The following STARD9 variants were observed in gnomAD, a reference collection of about 807,000 sequenced individuals.
STARD9 encodes the protein stAR-related lipid transfer protein 9.
A neutral mutation model predicts 399.8 loss-of-function variants in STARD9; 346 were observed. That is an observed-to-expected ratio of 0.87 (90% confidence interval 0.79 to 0.95). The LOEUF (loss-of-function observed/expected upper bound fraction) is 0.95. STARD9 is among the 40% of genes least tolerant of loss of function. The pLI is 0.00. For missense variants in STARD9, 5,832 were observed against 5,667.5 expected, an observed-to-expected ratio of 1.03 and a Z score of -0.93; for synonymous variants, 2,203 against 2,143.5, an observed-to-expected ratio of 1.03 and a Z score of -0.77.
chr15:42,701,214 A>G (rs1023254423), intron 26 of STARD9, among the ~76,000 whole-genome samples: 28 of 151,970 alleles, frequency 1.8e-4, no homozygotes, highest in African/African-American at 6.8e-4. Flanking sequence ...TTTTGCTCAG[A>G]ATTTCTTTGG....
chr15:42,587,635 C>T (rs892149265), intron 3 of STARD9, among the ~76,000 whole-genome samples: 5 of 152,138 alleles, frequency 3.3e-5, no homozygotes, highest in Admixed American at 6.5e-5. Context: ...GGCACCATCT[C>T]GGCTCACCAC....
In STARD9 at chr15:42,674,810, C is replaced by G. The variant is rs1364860088; in HGVS notation, c.1550-17C>G. 1 of 1,509,428 alleles carries G rather than the reference C, an allele frequency of 6.6e-7. No homozygotes were observed. The highest frequency in any genetic ancestry group is 2.2e-5 in the Admixed American group (1 of 46,508). 93.5% of individuals were successfully genotyped at this position (1,509,428 alleles called of 1,614,324 possible). Reference sequence around the variant, plus strand: ...TGCATCGTCCTCCCACCCAAGTGACCACCACCTCTTTTGTAGTCCTGCAGG... The same window carrying G: ...TGCATCGTCCTCCCACCCAAGTGACGACCACCTCTTTTGTAGTCCTGCAGG... On this transcript the variant is annotated splice_polypyrimidine_tract_variant and intron_variant, in intron 17 of 32. Coordinates refer to ENST00000290607, the MANE Select transcript of STARD9 (RefSeq NM_020759.3).
At chr15:42,697,127 A>G (rs926760694) in intron 26 of STARD9, among the ~76,000 whole-genome samples, 1 of 152,146 alleles carries the variant, frequency 6.6e-6, no homozygotes, top group African/African-American at 2.4e-5. Flanking sequence ...TTTGTTGTAT[A>G]TTTCCAGGGA....
chr15:42,606,952 C>G (rs1420426442), intron 3 of STARD9, among the ~76,000 whole-genome samples: 2 of 151,352 alleles, frequency 1.3e-5, no homozygotes, highest in Non-Finnish European at 2.9e-5. Flanking sequence ...AAGTGTACTT[C>G]ATTGATTGAT....
chr15:42,678,186 AC>A (rs2060351437), intron 20 of STARD9, among the ~76,000 whole-genome samples: 1 of 152,158 alleles, frequency 6.6e-6, no homozygotes, highest in Admixed American at 6.5e-5. Context: ...GGGCAAAGGG[AC>A]CAGGGAGAGG....
chr15:42,690,762 G>C lies in STARD9; in HGVS notation c.9184G>C (p.Ala3062Pro). The C allele has an allele frequency of 2.0e-6, 3 of 1,537,280 alleles. No homozygotes were observed. The highest frequency in any genetic ancestry group is 1.4e-5 in the African/African-American group (1 of 73,176). The change falls in exon 23 of 33, where the codon GCT becomes CCT. Residue 3062 changes from alanine (A) to proline (P), a missense_variant. By Grantham distance (27) the Ala-to-Pro change is conservative (BLOSUM62 -1). Coordinates refer to ENST00000290607, the MANE Select transcript of STARD9 (RefSeq NM_020759.3). ...AGCTCAAGGCTGCAGATCCCCTTCT[G>C]CTCCTGACGTGAGGACAGGTTCCTT... ...SRAQGCRSPS[A>P]PDVRTGSFSH...
At chr15:42,627,801 G>A (rs1272094083) in intron 3 of STARD9, among the ~76,000 whole-genome samples, 2 of 152,164 alleles carry the variant, frequency 1.3e-5, no homozygotes, top group Non-Finnish European at 2.9e-5. Flanking sequence ...TTTTGTATAT[G>A]TACCACATTT....
chr15:42,581,509 G>A, intron 1 of STARD9: 1 of 1,445,186 alleles, frequency 6.9e-7, no homozygotes, highest in Non-Finnish European at 9.5e-7. Flanking sequence ...GCGGGCTCTG[G>A]GCTTTGTGTG....
intron 3 of STARD9, among the ~76,000 whole-genome samples, chr15:42,595,602 G>A (rs2058486265): frequency 6.6e-6 from 1 of 152,188 alleles, no homozygotes; most frequent in Non-Finnish European, 1.5e-5. Flanking sequence ...CAGTTTCTTT[G>A]TGCATCCCCT....
intron 3 of STARD9, among the ~76,000 whole-genome samples, chr15:42,588,209 T>C (rs1203488163): frequency 1.8e-5 from 2 of 109,382 alleles, no homozygotes; most frequent in Middle Eastern, 4.3e-3. Flanking sequence ...TAAAATTTTA[T>C]GTGTGTGTGT....
chr15:42,715,224 C>A (rs535665799), intron 26 of STARD9, among the ~76,000 whole-genome samples: 1 of 152,172 alleles, frequency 6.6e-6, no homozygotes, highest in Non-Finnish European at 1.5e-5. Flanking sequence ...TCCAGCCACA[C>A]GGACACCGTG....
At chr15:42,639,678 C>T (rs1390630832) in intron 7 of STARD9, among the ~76,000 whole-genome samples, 1 of 152,088 alleles carries the variant, frequency 6.6e-6, no homozygotes, top group Non-Finnish European at 1.5e-5. Context: ...GCCTGGCCAA[C>T]ATGGTGAAAC....
chr15:42,622,292 A>G (rs1032207255), intron 3 of STARD9, among the ~76,000 whole-genome samples: 2 of 152,148 alleles, frequency 1.3e-5, no homozygotes, highest in Non-Finnish European at 2.9e-5. Flanking sequence ...AAAGAAAAAG[A>G]ATAATGAAAA....
Position 42,684,682 on chromosome 15 carries a change from C to A in STARD9, c.3104C>A (p.Pro1035His). The A allele has an allele frequency of 6.5e-7, 1 of 1,537,136 alleles. No individual in the cohort carries two copies. Among genetic ancestry groups the A allele is most frequent in the Non-Finnish European group, 8.7e-7 (1 of 1,146,892 alleles). The change falls in exon 23 of 33, where the codon CCT (proline) becomes CAT (histidine). Residue 1035 changes from proline to histidine, a missense_variant. By Grantham distance (77) the Pro-to-His change is moderately conservative (BLOSUM62 -2). Coordinates refer to ENST00000290607, the MANE Select transcript of STARD9 (RefSeq NM_020759.3). ...VKTFWTEYKPPSPSRASKRHQ... is the reference protein window; with the variant it reads ...VKTFWTEYKPHSPSRASKRHQ... ...ACTTTTTGGACAGAATACAAACCAC[C>A]TTCTCCAAGCAGGGCATCAAAAAGG...
chr15:42,686,985 C>T lies in STARD9; in HGVS notation c.5407C>T (p.Gln1803Ter), dbSNP rs760530844. ...YLKNNLPVLLQNQNSKIASSQ... is the reference protein window; with the variant it reads ...YLKNNLPVLL ...GAAGAATAATTTGCCAGTGCTGTTACAAAACCAGAATTCTAAGATTGCCTC... is the reference window on the plus strand; with the variant it reads ...GAAGAATAATTTGCCAGTGCTGTTATAAAACCAGAATTCTAAGATTGCCTC... The change falls in exon 23 of 33, where the codon CAA becomes TAA. Residue 1803 changes from glutamine (Q) to a stop codon, truncating the protein, a stop_gained. Coordinates refer to ENST00000290607, the MANE Select transcript of STARD9 (RefSeq NM_020759.3). LOFTEE classifies it high-confidence loss of function. 26 of 1,536,634 alleles carry T rather than the reference C, an allele frequency of 1.7e-5. No individual in the cohort carries two copies. The highest frequency in any genetic ancestry group is 4.1e-5 in the African/African-American group (3 of 73,020).
At chr15:42,717,077 C>T (rs778329983) in intron 28 of STARD9, 29 bp downstream of exon 28, 134 of 1,536,534 alleles carry the variant, frequency 8.7e-5, no homozygotes, top group Middle Eastern at 6.7e-4. Context: ...CCATCCCTAC[C>T]ATTCCTTTAC....
At position 42,585,609 on chromosome 15, in the gene STARD9, A is replaced by G. The variant is rs184535522; in HGVS notation, c.206A>G (p.Glu69Gly). Residue 69 changes from glutamate to glycine, a missense_variant, in exon 3 of 33, where the codon GAG (glutamate) becomes GGG (glycine). By Grantham distance (98) the Glu-to-Gly change is moderately conservative (BLOSUM62 -2). This residue lies in a region of STARD9 where 5,828 missense variants were observed against 5,651.1 expected (regional missense o/e 1.03). Transcript: ENST00000290607. The part of the protein sequence containing the change: ...FDYCYWSVNP[E>G]DPQYASQDVV... Reference sequence around the variant, plus strand: ...TACTGCTACTGGTCAGTCAACCCAGAGGATCCCCAGTATGCATCTCAAGAT... The same window carrying G: ...TACTGCTACTGGTCAGTCAACCCAGGGGATCCCCAGTATGCATCTCAAGAT... 2.0e-6 allele frequency: 3 copies of G among 1,536,668 alleles called. No homozygotes were observed. The highest frequency in any genetic ancestry group is 4.9e-5 in the East Asian group (2 of 40,922).
intron 1 of STARD9, among the ~76,000 whole-genome samples, chr15:42,576,402 A>G (rs570851119): frequency 2.0e-5 from 3 of 152,298 alleles, no homozygotes; most frequent in East Asian, 1.9e-4. Context: ...TGAGACATCC[A>G]GTGTGCAGCC....
chr15:42,687,451 G>T lies in STARD9; in HGVS notation c.5873G>T (p.Ser1958Ile). The T allele has an allele frequency of 6.5e-7, 1 of 1,537,184 alleles. No homozygotes were observed. The highest frequency in any genetic ancestry group is 1.4e-5 in the African/African-American group (1 of 73,180). Residue 1958 changes from serine to isoleucine, a missense_variant, in exon 23 of 33, where the codon AGC becomes ATC. By Grantham distance (142) the Ser-to-Ile change is moderately radical. Transcript: ENST00000290607. ...KSRSVDRRVS[S>I]PVMVAQGGGP... ...AGATCAGTAGATCGTAGAGTAAGCA[G>T]CCCAGTGATGGTGGCCCAGGGTGGT...
Sources: allele counts gnomAD v4.1 joint callset (sites outside exome capture counted in the v4.1 genomes callset), GRCh38; gene constraint gnomAD v4.1.1; regional missense constraint gnomAD v4.1.1; transcripts MANE v1.5; gene names NCBI Gene and HGNC (gene_info 2026-07-23, HGNC 2026-07-21).